Variants in ARHGAP11B observed in about 807,000 individuals in gnomAD.
ARHGAP11B encodes the protein Rho GTPase activating protein 11B.
Under a neutral mutation model 27.6 loss-of-function variants are expected in ARHGAP11B, and 14 were observed. That is an observed-to-expected ratio of 0.51 (90% CI 0.34 to 0.79). The LOEUF is 0.79. Ranked by LOEUF, ARHGAP11B falls within the 30% of genes least tolerant of loss-of-function variation. The pLI is 0.02. For synonymous variants in ARHGAP11B, 82 were observed against 114.1 expected (o/e 0.72, Z 1.80); for missense variants, 245 against 320.1 (o/e 0.77, Z 1.79).
At chr15:30,626,808 C>A in exon 1 of ARHGAP11B, 1 of 1,613,224 alleles carries the variant, frequency 6.2e-7, no homozygotes, top group Non-Finnish European at 8.5e-7. Context: ...TCAGAGTTAT[C>A]GACGTATCCG....
intron 7 of ARHGAP11B, among the ~76,000 whole-genome samples, chr15:30,642,503 C>A (rs1258281271): frequency 6.6e-6 from 1 of 151,976 alleles, no homozygotes; most frequent in Non-Finnish European, 1.5e-5. Flanking sequence ...AGGTGGGTAG[C>A]AGTTGGCCAG....
At chr15:30,639,231 CT>C (rs2060300652) in intron 7 of ARHGAP11B, among the ~76,000 whole-genome samples, 1 of 152,032 alleles carries the variant, frequency 6.6e-6, no homozygotes, top group African/African-American at 2.4e-5. Context: ...CTTCTGTTTT[CT>C]AGAGTGAAGA....
chr15:30,634,378 A>G, exon 4 of ARHGAP11B: 2 of 1,613,348 alleles, frequency 1.2e-6, no homozygotes, highest in Non-Finnish European at 8.5e-7. Context: ...CACACAGTTC[A>G]TGTATTAAGA....
chr15:30,638,894 A>G (rs2060298121), intron 7 of ARHGAP11B, 84 bp downstream of exon 7: 3 of 790,854 alleles, frequency 3.8e-6, no homozygotes, highest in Non-Finnish European at 5.4e-6. Flanking sequence ...TACAATAATA[A>G]TTGCCTAACT....
At chr15:30,644,152 G>A (rs1234151670) in intron 7 of ARHGAP11B, among the ~76,000 whole-genome samples, 1 of 151,842 alleles carries the variant, frequency 6.6e-6, no homozygotes, top group African/African-American at 2.4e-5. Context: ...TTCTGTCCAG[G>A]GTTTTGTCTG....
Position 30,629,067 on chromosome 15 carries a change from G to A in ARHGAP11B, c.130-1636G>A, listed in dbSNP as rs565958718. Among the ~76,000 whole-genome samples, 5 of 152,040 alleles carry A rather than the reference G, an allele frequency of 3.3e-5. 1 individual carries two copies. The highest frequency in any genetic ancestry group is 7.4e-5 in the Non-Finnish European group (5 of 67,998). On this transcript the variant is annotated intron_variant, in intron 1 of 10. Coordinates refer to ENST00000428041, the Ensembl canonical transcript of ARHGAP11B. ...GTTCAGCTTAAAATGATGATCATAA[G>A]ATTAACAAATATTTTTTGAATGCTT...
chr15:30,628,079 C>CTTTTTT (rs371979874), intron 1 of ARHGAP11B, among the ~76,000 whole-genome samples: 3 of 141,020 alleles, frequency 2.1e-5, no homozygotes, highest in African/African-American at 2.6e-5. Flanking sequence ...TTTTCTTTTC[C>CTTTTTT]TTTTTTTTTT....
intron 6 of ARHGAP11B, among the ~76,000 whole-genome samples, chr15:30,637,816 C>CTT (rs398026724): frequency 2.8e-4 from 29 of 103,112 alleles, no homozygotes; most frequent in East Asian, 4.6e-4. Context: ...TTAAGGCTCA[C>CTT]TTTTTTTTTT....
chr15:30,649,109 T>C (rs978328338), exon 11 of ARHGAP11B: 2 of 152,036 alleles, frequency 1.3e-5, no homozygotes, highest in African/African-American at 2.4e-5. Context: ...AGCCCGGAGA[T>C]TGGTTCTAGT....
exon 11 of ARHGAP11B, chr15:30,649,021 C>A (rs1419987167): frequency 6.6e-6 from 1 of 151,960 alleles, no homozygotes; most frequent in African/African-American, 2.4e-5. Flanking sequence ...ATGTTATACC[C>A]TTGAATGGCG....
intron 2 of ARHGAP11B, among the ~76,000 whole-genome samples, chr15:30,632,821 T>G (rs1420017460): frequency 2.0e-5 from 3 of 152,014 alleles, no homozygotes; most frequent in Non-Finnish European, 4.4e-5. Flanking sequence ...GCCCTGTTTT[T>G]GGGTGATGTA....
chr15:30,636,028 G>A (rs1280336437), intron 6 of ARHGAP11B, among the ~76,000 whole-genome samples: 1 of 150,912 alleles, frequency 6.6e-6, no homozygotes, highest in Non-Finnish European at 1.5e-5. Context: ...TATGTCTAAT[G>A]TAGATAGCGC....
exon 4 of ARHGAP11B, chr15:30,634,331 T>A: frequency 3.1e-6 from 5 of 1,613,478 alleles, no homozygotes; most frequent in South Asian, 1.1e-5. Flanking sequence ...AGGAAAAGAA[T>A]AAAGCTATAC....
chr15:30,630,629 A>G, intron 1 of ARHGAP11B, 74 bp from the exon 2 acceptor site: 1 of 1,558,550 alleles, frequency 6.4e-7, no homozygotes, highest in Non-Finnish European at 8.7e-7. Flanking sequence ...TGAGTTCTTT[A>G]ATTTGCCTAA....
chr15:30,629,477 C>T (rs537830723), intron 1 of ARHGAP11B, among the ~76,000 whole-genome samples: 4 of 151,946 alleles, frequency 2.6e-5, no homozygotes, highest in East Asian at 1.9e-4. Flanking sequence ...TGGGTGAACC[C>T]GGGAGGCGGA....
chr15:30,643,406 G>A (rs964465298), intron 7 of ARHGAP11B, among the ~76,000 whole-genome samples: 11 of 151,744 alleles, frequency 7.2e-5, no homozygotes, highest in African/African-American at 2.7e-4. Context: ...AGCCTCCTGA[G>A]TAGCTAGGAT....
intron 3 of ARHGAP11B, among the ~76,000 whole-genome samples, chr15:30,633,876 A>G (rs186547802): frequency 6.6e-5 from 10 of 152,050 alleles, no homozygotes; most frequent in African/African-American, 1.7e-4. Flanking sequence ...AAGGAGTGAT[A>G]TAGCTGAGTG....
chr15:30,647,141 C>T (rs1252057316), intron 9 of ARHGAP11B, among the ~76,000 whole-genome samples: 7 of 152,002 alleles, frequency 4.6e-5, no homozygotes, highest in Admixed American at 2.6e-4. Context: ...CCCCCTAAGA[C>T]ATTTTTTTCC....
chr15:30,627,576 T>C (rs953026119), intron 1 of ARHGAP11B, among the ~76,000 whole-genome samples: 2 of 152,022 alleles, frequency 1.3e-5, no homozygotes, highest in Admixed American at 1.3e-4. Flanking sequence ...ATTTTTTTTT[T>C]TGTATGAGTA....
Sources: allele counts gnomAD v4.1 joint callset (sites outside exome capture counted in the v4.1 genomes callset), GRCh38; gene constraint gnomAD v4.1.1; transcripts MANE v1.5; gene names NCBI Gene and HGNC (gene_info 2026-07-23, HGNC 2026-07-21).